Variants in RANBP2 observed in about 807,000 individuals in gnomAD.
RANBP2 encodes the protein E3 SUMO-protein ligase RanBP2.
In RANBP2, 57 loss-of-function variants were observed where a neutral mutation model predicts 303.6. The observed-to-expected ratio is 0.19, with a 90% CI of 0.15 to 0.23. RANBP2 has a LOEUF of 0.23. RANBP2 is among the 10% of genes least tolerant of loss of function. The pLI is 1.00. For missense variants in RANBP2, 3,138 were observed against 3,780.8 expected (o/e 0.83, Z 4.46); for synonymous variants, 1,167 against 1,301.5 (o/e 0.90, Z 2.23).
chr2:108,768,454 C>G, intron 20 of RANBP2, 66 bp downstream of exon 20: 1 of 1,603,944 alleles, frequency 6.2e-7, no homozygotes, highest in Admixed American at 1.7e-5. Context: ...TTGATGCAGA[C>G]TCTTTGTAGG....
At chr2:109,546,262 C>T in the RANBP2 span, 12 of 1,482,754 alleles carry the variant, frequency 8.1e-6, no homozygotes, top group Admixed American at 1.8e-4. Flanking sequence ...GCAATCCCCA[C>T]TACTGACACA....
the RANBP2 span, among the ~76,000 whole-genome samples, chr2:108,892,148 G>A: frequency 1.3e-5 from 2 of 152,120 alleles, no homozygotes; most frequent in African/African-American, 4.8e-5. Flanking sequence ...ACTGGACAGA[G>A]TGTGGCTGTG....
chr2:108,841,417 C>T, the RANBP2 span, among the ~76,000 whole-genome samples: 1 of 151,504 alleles, frequency 6.6e-6, no homozygotes, highest in Non-Finnish European at 1.5e-5. Context: ...TCTGTTTTGC[C>T]TCACATATTT....
At chr2:109,388,025 C>T in the RANBP2 span, among the ~76,000 whole-genome samples, 1,180 of 152,282 alleles carry the variant, frequency 7.7e-3, 9 homozygotes, top group Non-Finnish European at 0.014. Context: ...TTGTGTCCAT[C>T]CTGACTCCTG....
chr2:109,234,231 C>A, the RANBP2 span, among the ~76,000 whole-genome samples: 1 of 152,174 alleles, frequency 6.6e-6, no homozygotes, highest in Admixed American at 6.5e-5. Flanking sequence ...AGTTACTTTT[C>A]TGAATGGACT....
the RANBP2 span, among the ~76,000 whole-genome samples, chr2:109,637,955 C>T: frequency 6.6e-6 from 1 of 152,290 alleles, no homozygotes; most frequent in East Asian, 1.9e-4. Context: ...AAGACTCCAT[C>T]TCAAAAACCA....
intron 6 of RANBP2, among the ~76,000 whole-genome samples, chr2:108,740,055 A>G (rs1330301577): frequency 6.6e-6 from 1 of 152,224 alleles, no homozygotes; most frequent in Non-Finnish European, 1.5e-5. Context: ...CAATTACTGT[A>G]TTGATACGCA....
the RANBP2 span, among the ~76,000 whole-genome samples, chr2:108,875,311 A>G: frequency 1.6e-5 from 1 of 63,176 alleles, no homozygotes; most frequent in African/African-American, 5.5e-5. Context: ...CTAAAACTTA[A>G]AGTATAATAA....
At chr2:109,496,095 C>A in the RANBP2 span, among the ~76,000 whole-genome samples, 1 of 152,142 alleles carries the variant, frequency 6.6e-6, no homozygotes, top group Non-Finnish European at 1.5e-5. Flanking sequence ...CTTATTTGTC[C>A]CCTCCCATGT....
chr2:109,643,438 C>G, the RANBP2 span, among the ~76,000 whole-genome samples: 4 of 152,186 alleles, frequency 2.6e-5, no homozygotes, highest in East Asian at 5.8e-4. Flanking sequence ...TCTTAAAGAC[C>G]TTGCTGATAA....
At chr2:109,591,515 C>T in the RANBP2 span, among the ~76,000 whole-genome samples, 1 of 152,134 alleles carries the variant, frequency 6.6e-6, no homozygotes, top group South Asian at 2.1e-4. Flanking sequence ...ATGGAATAGA[C>T]TGTTAGTACC....
the RANBP2 span, among the ~76,000 whole-genome samples, chr2:109,440,972 G>T: frequency 6.6e-6 from 1 of 152,012 alleles, no homozygotes; most frequent in Non-Finnish European, 1.5e-5. Context: ...AAATCACCAG[G>T]CATTGAGTAA....
In RANBP2 at chr2:108,766,511, A is replaced by G. The variant is rs1357105710; in HGVS notation, c.5972A>G (p.Asn1991Ser). Reference sequence around the variant, plus strand: ...TACGGTAAAATGGCCAATAAAGCAAACACTTCCGGTGACTTTGAGAAAGAT... The same window carrying G: ...TACGGTAAAATGGCCAATAAAGCAAGCACTTCCGGTGACTTTGAGAAAGAT... ...SQYGKMANKA[N>S]TSGDFEKDDD... is the part of the protein sequence containing the mutation. Residue 1991 changes from asparagine (N) to serine (S), a missense_variant, in exon 20 of 29, where the codon AAC (asparagine) becomes AGC (serine). Coordinates refer to ENST00000283195, the MANE Select transcript of RANBP2 (RefSeq NM_006267.5). The G allele has an allele frequency of 6.2e-7, 1 of 1,611,978 alleles. No individual in the cohort carries two copies. The highest frequency in any genetic ancestry group is 1.1e-5 in the South Asian group (1 of 90,982).
chr2:109,480,660 C>T, the RANBP2 span, among the ~76,000 whole-genome samples: 2 of 152,118 alleles, frequency 1.3e-5, no homozygotes, highest in Non-Finnish European at 2.9e-5. Flanking sequence ...ACGAACAATG[C>T]TGTACTGGCA....
At chr2:109,177,720 A>G in the RANBP2 span, among the ~76,000 whole-genome samples, 1 of 152,196 alleles carries the variant, frequency 6.6e-6, no homozygotes, top group African/African-American at 2.4e-5. Context: ...GGACAGGTAG[A>G]CTTCCCAGGA....
At chr2:109,643,330 G>A in the RANBP2 span, among the ~76,000 whole-genome samples, 1 of 152,186 alleles carries the variant, frequency 6.6e-6, no homozygotes, top group African/African-American at 2.4e-5. Flanking sequence ...TTGAATAGGG[G>A]TTGAGTAAAA....
chr2:108,931,630 T>C, the RANBP2 span, among the ~76,000 whole-genome samples: 1 of 152,242 alleles, frequency 6.6e-6, no homozygotes, highest in Non-Finnish European at 1.5e-5. Flanking sequence ...ATTGAAGGGA[T>C]TGAGCATGGC....
chr2:109,148,834 A>C, the RANBP2 span, among the ~76,000 whole-genome samples: 118 of 112,316 alleles, frequency 1.1e-3, 1 homozygote, highest in African/African-American at 3.8e-3. Flanking sequence ...GACAGCAATC[A>C]TGGCAGTGTT....
At chr2:109,406,672 C>T in the RANBP2 span, among the ~76,000 whole-genome samples, 3 of 152,078 alleles carry the variant, frequency 2.0e-5, no homozygotes, top group Admixed American at 6.5e-5. Flanking sequence ...GATATTGAGG[C>T]GTTCTGACAG....
Sources: allele counts gnomAD v4.1 joint callset (sites outside exome capture counted in the v4.1 genomes callset), GRCh38; gene constraint gnomAD v4.1.1; transcripts MANE v1.5; gene names NCBI Gene and HGNC (gene_info 2026-07-23, HGNC 2026-07-21).